The following HS1BP3 variants were observed in gnomAD, a reference collection of about 807,000 sequenced individuals.
The protein encoded by HS1BP3 is HCLS1-binding protein 3.
In HS1BP3, 32 loss-of-function variants were observed where a neutral mutation model predicts 33.5. That is an observed-to-expected ratio of 0.95 (90% CI 0.72 to 1.28). The LOEUF is 1.28. HS1BP3 is among the 50% of genes most tolerant of loss of function. The pLI is 0.00. For synonymous variants in HS1BP3, 187 were observed against 209.2 expected (o/e 0.89, Z 0.92); for missense variants, 486 against 502.3 (o/e 0.97, Z 0.31).
At chr2:20,645,547 C>A in intron 1 of HS1BP3, 42 bp from the exon 2 acceptor site, 1 of 1,567,872 alleles carries the variant, frequency 6.4e-7, no homozygotes, top group Non-Finnish European at 8.6e-7. Context: ...AGGGTCAAGG[C>A]AGTAGGCTTC....
intron 1 of HS1BP3, among the ~76,000 whole-genome samples, chr2:20,646,306 C>T (rs568573319): frequency 6.6e-6 from 1 of 152,178 alleles, no homozygotes; most frequent in Non-Finnish European, 1.5e-5. Context: ...CTCTGACCAT[C>T]GAGGTGAGAC....
chr2:20,562,142 T>A (rs1175994308), intron 5 of HS1BP3, among the ~76,000 whole-genome samples: 1 of 152,174 alleles, frequency 6.6e-6, no homozygotes, highest in Non-Finnish European at 1.5e-5. Context: ...GGCATCTCTT[T>A]CAACTCCGAC....
chr2:20,574,420 T>C (rs1006650685), intron 5 of HS1BP3, among the ~76,000 whole-genome samples: 1 of 152,214 alleles, frequency 6.6e-6, no homozygotes, highest in Non-Finnish European at 1.5e-5. Context: ...ATTCAGTCAA[T>C]TGCTAACTTT....
downstream of HS1BP3, among the ~76,000 whole-genome samples, chr2:20,617,579 A>G (rs569058193): frequency 7.2e-5 from 11 of 152,226 alleles, no homozygotes; most frequent in South Asian, 2.3e-3. Context: ...GAGACACTCA[A>G]CACTGATGGC....
downstream of HS1BP3, among the ~76,000 whole-genome samples, chr2:20,613,825 T>G (rs1292301301): frequency 6.6e-6 from 1 of 152,110 alleles, no homozygotes; most frequent in Non-Finnish European, 1.5e-5. Flanking sequence ...CCTTGCAGAA[T>G]GGAATGGGCC....
In HS1BP3 at chr2:20,623,693, G is replaced by A. The variant is rs2149291491; in HGVS notation, c.920+203C>T. ...AAGTTCTCTCTTTCTGGAACTAGCTGAGCAGCCCTGGGCTGCGGATCCTCC... is the reference window on the plus strand; with the variant it reads ...AAGTTCTCTCTTTCTGGAACTAGCTAAGCAGCCCTGGGCTGCGGATCCTCC... On this transcript the variant is annotated intron_variant, in intron 6 of 6. Coordinates refer to ENST00000304031, the MANE Select transcript of HS1BP3 (RefSeq NM_022460.4). The A allele has an allele frequency of 6.2e-6, 3 of 484,948 alleles. No individual in the cohort carries two copies. In the Middle Eastern group the frequency reaches 1.5e-3, roughly 250 times the overall value. 30.0% of individuals were successfully genotyped at this position (484,948 alleles called of 1,614,324 possible). A position where few individuals can be genotyped will look rare whatever the true frequency, so the allele number is the denominator to read the frequency against.
intron 5 of HS1BP3, among the ~76,000 whole-genome samples, chr2:20,573,342 T>A (rs1693320009): frequency 1.3e-5 from 2 of 152,094 alleles, no homozygotes; most frequent in Admixed American, 1.3e-4. Flanking sequence ...AGAATAAATT[T>A]CTGTGTTTAA....
downstream of HS1BP3, among the ~76,000 whole-genome samples, chr2:20,559,735 GA>G: frequency 6.8e-6 from 1 of 146,416 alleles, no homozygotes; most frequent in Non-Finnish European, 1.5e-5. Context: ...TGGATGGATG[GA>G]TGGATGGATG....
In HS1BP3 at chr2:20,618,194, T is replaced by A. The variant is rs35972581; in HGVS notation, c.*793A>T. ...TGTGCCCAGAGGCCCAAGAAGGCCA[T>A]GGACTGGGCTGGCCTTTCCTGGGAA... On this transcript the variant is annotated 3_prime_UTR_variant, in exon 7 of 7. Transcript: ENST00000304031. 6.6e-6 allele frequency: 1 copy of A among 152,224 alleles called. No individual in the cohort carries two copies. Among genetic ancestry groups the A allele is most frequent in the African/African-American group, 2.4e-5 (1 of 41,432 alleles). 9.4% of individuals were successfully genotyped at this position (152,224 alleles called of 1,614,324 possible).
intron 5 of HS1BP3, 52 bp from the exon 6 acceptor site, chr2:20,624,083 CCA>C: frequency 6.3e-7 from 1 of 1,591,662 alleles, no homozygotes; most frequent in Non-Finnish European, 8.5e-7. Flanking sequence ...GGCTGGGATG[CCA>C]TGGCTGCTCT....
At chr2:20,602,633 T>C (rs1305778908) in intron 2 of HS1BP3, among the ~76,000 whole-genome samples, 3 of 152,164 alleles carry the variant, frequency 2.0e-5, no homozygotes, top group African/African-American at 4.8e-5. Flanking sequence ...ATGACTGTTT[T>C]GGTATGGTCA....
intron 5 of HS1BP3, among the ~76,000 whole-genome samples, chr2:20,580,010 T>C (rs887992072): frequency 6.6e-6 from 1 of 152,256 alleles, no homozygotes; most frequent in Admixed American, 6.5e-5. Flanking sequence ...TCTATCCTAA[T>C]CTACATACCC....
chr2:20,592,779 T>C (rs948087446), exon 4 of HS1BP3: 3 of 152,240 alleles, frequency 2.0e-5, no homozygotes, highest in Non-Finnish European at 4.4e-5. Flanking sequence ...CCACTGTGTG[T>C]CTCTTACAGA....
At chr2:20,617,755 A>AAAAACAAAAC (rs554826321), downstream of HS1BP3, 1 of 152,462 alleles carries the variant, frequency 6.6e-6, no homozygotes, top group Admixed American at 6.5e-5. Flanking sequence ...TGTTTCATTA[A>AAAAACAAAAC]AAAACAAAAC....
At chr2:20,613,047 G>C (rs1259076493), downstream of HS1BP3, among the ~76,000 whole-genome samples, 3 of 152,152 alleles carry the variant, frequency 2.0e-5, no homozygotes, top group African/African-American at 7.2e-5. Flanking sequence ...GCCATCTGGG[G>C]ATGGGGGGGA....
intron 2 of HS1BP3, among the ~76,000 whole-genome samples, chr2:20,601,490 AT>A (rs1208325084): frequency 3.9e-5 from 6 of 152,194 alleles, no homozygotes; most frequent in African/African-American, 1.4e-4. Context: ...TGTAGTTACC[AT>A]AATTCCCACA....
chr2:20,580,454 G>A (rs1381916087), intron 5 of HS1BP3, among the ~76,000 whole-genome samples: 5 of 152,178 alleles, frequency 3.3e-5, no homozygotes, highest in Non-Finnish European at 5.9e-5. Flanking sequence ...GGGAGGTAGA[G>A]GTTGCAGTGA....
intron 4 of HS1BP3, among the ~76,000 whole-genome samples, chr2:20,634,343 G>C (rs937135027): frequency 6.6e-6 from 1 of 152,212 alleles, no homozygotes; most frequent in Non-Finnish European, 1.5e-5. Context: ...AGATTCTGGG[G>C]GCCCTACCCA....
chr2:20,644,941 C>G (rs1014412316), intron 2 of HS1BP3, among the ~76,000 whole-genome samples: 11 of 152,236 alleles, frequency 7.2e-5, no homozygotes, highest in African/African-American at 2.7e-4. Flanking sequence ...TTTCCAACCT[C>G]CGTGCCTTTG....
Sources: gnomAD v4.1 joint callset for allele counts (sites outside exome capture counted in the v4.1 genomes callset) on GRCh38, gnomAD v4.1.1 for gene constraint, MANE v1.5 for transcripts, NCBI Gene and HGNC (gene_info 2026-07-23, HGNC 2026-07-21) for gene names.